The following COL24A1 variants were observed in gnomAD, a reference collection of about 807,000 sequenced individuals.
The protein encoded by COL24A1 is collagen alpha-1(XXIV) chain.
Under a neutral mutation model 253.9 loss-of-function variants are expected in COL24A1, and 224 were observed. That is an observed-to-expected ratio of 0.88 (90% CI 0.79 to 0.99). The LOEUF (loss-of-function observed/expected upper bound fraction) is 0.99, where lower values mean the gene tolerates loss of function less well. COL24A1 is among the 50% of genes least tolerant of loss of function. COL24A1 has a pLI of 0.00. For missense variants in COL24A1, 2,131 were observed against 2,068.5 expected (o/e 1.03, Z -0.59); for synonymous variants, 685 against 673.7 (o/e 1.02, Z -0.26).
chr1:85,923,210 CAAT>C (rs1244684063), intron 24 of COL24A1, among the ~76,000 whole-genome samples: 2 of 152,122 alleles, frequency 1.3e-5, no homozygotes, highest in Non-Finnish European at 2.9e-5. Context: ...GACTCCAACA[CAAT>C]AATAATGGGA....
chr1:86,007,913 T>A (rs1249202496), intron 19 of COL24A1, among the ~76,000 whole-genome samples: 1 of 152,068 alleles, frequency 6.6e-6, no homozygotes. Context: ...TCCAAACCCA[T>A]AGAAAGTACA....
chr1:85,941,984 T>C (rs1367270679), intron 24 of COL24A1, among the ~76,000 whole-genome samples: 2 of 152,146 alleles, frequency 1.3e-5, no homozygotes, highest in Non-Finnish European at 2.9e-5. Context: ...GTTTCTAAAT[T>C]AATATATTGA....
rs1491169938 is a variant in COL24A1, at chr1:86,108,620, T to TAAAGAAAAA, written c.1599+3946_1599+3947insTTTTTCTTT. On this transcript the variant is annotated intron_variant, in intron 5 of 59. Transcript: ENST00000370571. ...GAAAATGGAGAAACCCCATCTCTACTAAAAAAAAAAAAAAAAAAAAAAAAA... is the reference window on the plus strand; with the variant it reads ...GAAAATGGAGAAACCCCATCTCTACTAAAGAAAAAAAAAAAAAAAAAAAAAAAAAAAAAA... Among the ~76,000 whole-genome samples the TAAAGAAAAA allele has an allele frequency of 7.9e-3, 658 of 83,070 alleles. 31 individuals are homozygous for TAAAGAAAAA. The highest frequency in any genetic ancestry group is 0.015 in the South Asian group (30 of 2,058). The allele number at this position is 83,070 out of a possible 152,430, so 54.5% of individuals were successfully genotyped here. A position where few individuals can be genotyped will look rare whatever the true frequency, so the allele number is the denominator to read the frequency against.
intron 47 of COL24A1, among the ~76,000 whole-genome samples, chr1:85,794,900 C>G (rs1193042208): frequency 6.6e-6 from 1 of 152,088 alleles, no homozygotes; most frequent in African/African-American, 2.4e-5. Flanking sequence ...CAGATAGGAG[C>G]CAGTCTCCCT....
At position 86,115,494 on chromosome 1, in the gene COL24A1, G is replaced by T. The variant is rs1706055713; in HGVS notation, c.1492-116C>A. The T allele has an allele frequency of 6.3e-6, 6 of 953,890 alleles. No individual in the cohort carries two copies. In the South Asian group the frequency reaches 9.4e-5, roughly 15 times the overall value. 59.1% of individuals were successfully genotyped at this position (953,890 alleles called of 1,614,324 possible). A position where few individuals can be genotyped will look rare whatever the true frequency, so the allele number is the denominator to read the frequency against. ...CTTTTTCAGTCCCCAGTTCCCAGCT[G>T]GTGATGATTTTTAAGTAACACGAAC... is the stretch of plus-strand genomic sequence containing the variant. On this transcript the variant is annotated intron_variant, in intron 3 of 59. Transcript: ENST00000370571.
chr1:85,843,707 G>A (rs1283333105), intron 39 of COL24A1, among the ~76,000 whole-genome samples: 1 of 152,094 alleles, frequency 6.6e-6, no homozygotes, highest in Non-Finnish European at 1.5e-5. Flanking sequence ...ACTAACTGGG[G>A]AAAGGAGTCA....
chr1:85,935,302 G>A (rs1196208256), intron 24 of COL24A1, among the ~76,000 whole-genome samples: 2 of 147,466 alleles, frequency 1.4e-5, no homozygotes, highest in Non-Finnish European at 1.5e-5. Flanking sequence ...AAAACTTAAA[G>A]TTGACTATGC....
At chr1:86,144,172 A>G (rs1255525843) in intron 2 of COL24A1, among the ~76,000 whole-genome samples, 1 of 152,128 alleles carries the variant, frequency 6.6e-6, no homozygotes, top group Admixed American at 6.5e-5. Context: ...GGTGTATAAA[A>G]TTGAAAATTA....
intron 19 of COL24A1, among the ~76,000 whole-genome samples, chr1:85,993,296 A>C (rs1440931525): frequency 6.6e-6 from 1 of 152,134 alleles, no homozygotes; most frequent in Non-Finnish European, 1.5e-5. Flanking sequence ...CTATTGAAAT[A>C]TATAGTCCCT....
intron 5 of COL24A1, among the ~76,000 whole-genome samples, chr1:86,110,639 G>T (rs11161737): frequency 0.54 from 82,029 of 151,700 alleles, 22,682 homozygotes; most frequent in Non-Finnish European, 0.62. Context: ...GGCTTGGCAG[G>T]CCCCACACTC....
At chr1:85,809,895 C>T (rs1387478012) in intron 47 of COL24A1, among the ~76,000 whole-genome samples, 1 of 151,062 alleles carries the variant, frequency 6.6e-6, no homozygotes, top group African/African-American at 2.4e-5. Context: ...CTGTCACTAC[C>T]ATTTATCTAC....
At chr1:86,119,253 A>G (rs1398556503) in intron 3 of COL24A1, among the ~76,000 whole-genome samples, 9 of 152,280 alleles carry the variant, frequency 5.9e-5, no homozygotes, top group Non-Finnish European at 1.3e-4. Flanking sequence ...ATACTGAGAA[A>G]CTTTGGAGCG....
chr1:86,111,555 C>T (rs1367778752), intron 5 of COL24A1, among the ~76,000 whole-genome samples: 3 of 152,152 alleles, frequency 2.0e-5, no homozygotes, highest in Admixed American at 1.3e-4. Context: ...TAAAATGGAC[C>T]GATCAGCAGG....
intron 45 of COL24A1, among the ~76,000 whole-genome samples, chr1:85,821,145 T>A (rs1283140600): frequency 6.6e-6 from 1 of 152,230 alleles, no homozygotes; most frequent in Non-Finnish European, 1.5e-5. Flanking sequence ...AGAGTCATTA[T>A]AGGACAGTTC....
intron 20 of COL24A1, among the ~76,000 whole-genome samples, chr1:85,985,417 G>T (rs1362444899): frequency 6.6e-6 from 1 of 151,726 alleles, no homozygotes; most frequent in Admixed American, 6.6e-5. Flanking sequence ...GAGAGGGTTT[G>T]GTCATAAAGA....
intron 18 of COL24A1, among the ~76,000 whole-genome samples, chr1:86,019,857 A>G (rs1697336457): frequency 8.0e-6 from 1 of 125,720 alleles, no homozygotes; most frequent in Non-Finnish European, 2.0e-5. Context: ...CATCATTAGC[A>G]TTTATTGTGA....
At chr1:86,091,350 T>G (rs934356133) in intron 6 of COL24A1, among the ~76,000 whole-genome samples, 1 of 150,056 alleles carries the variant, frequency 6.7e-6, no homozygotes, top group Non-Finnish European at 1.5e-5. Context: ...AGTAATTATG[T>G]TTTTTTTTAA....
At chr1:86,156,199 G>C (rs1009856453) in intron 1 of COL24A1, 142 bp downstream of exon 1, 1 of 650,818 alleles carries the variant, frequency 1.5e-6, no homozygotes, top group African/African-American at 1.9e-5. Context: ...ACAAGGGGAA[G>C]ATACCGCGGG....
chr1:85,843,194 A>C (rs1676810956), intron 39 of COL24A1, among the ~76,000 whole-genome samples: 1 of 152,184 alleles, frequency 6.6e-6, no homozygotes, highest in Non-Finnish European at 1.5e-5. Flanking sequence ...CTGCATATAT[A>C]GTATTTCCCA....
Sources: gnomAD v4.1 joint callset for allele counts (sites outside exome capture counted in the v4.1 genomes callset) on GRCh38, gnomAD v4.1.1 for gene constraint, MANE v1.5 for transcripts, NCBI Gene and HGNC (gene_info 2026-07-23, HGNC 2026-07-21) for gene names.